NTRK1: variants seen among roughly 807,000 people sequenced by gnomAD.
NTRK1 encodes the protein neurotrophic receptor tyrosine kinase 1, also known as high affinity nerve growth factor receptor.
In NTRK1, 62 loss-of-function variants were observed where a neutral mutation model predicts 86.8. The ratio of observed to expected loss-of-function variants is 0.71; its 90% CI spans 0.58 to 0.88. The LOEUF is 0.88. NTRK1 is among the 40% of genes least tolerant of loss of function. The probability of loss-of-function intolerance (pLI) is 0.00; values close to 1 mark genes in which losing one functional copy is unlikely to be tolerated. For missense variants in NTRK1, 967 were observed against 1,078.4 expected (o/e 0.90, Z 1.45); for synonymous variants, 469 against 456.6 (o/e 1.03, Z -0.35).
In NTRK1 at chr1:156,860,895, C is replaced by A; in HGVS notation, c.-40C>A. 1 of 1,409,980 alleles carries A rather than the reference C, an allele frequency of 7.1e-7. No homozygotes were observed. Among genetic ancestry groups the A allele is most frequent in the Non-Finnish European group, 9.1e-7 (1 of 1,094,422 alleles). 87.3% of individuals were successfully genotyped at this position (1,409,980 alleles called of 1,614,324 possible). Reference sequence around the variant, plus strand: ...CCTGGCAGCTGCAGCTGGGAGCGCACAGACGGCTGCCCCGCCTGAGCGAGG... The same window carrying A: ...CCTGGCAGCTGCAGCTGGGAGCGCAAAGACGGCTGCCCCGCCTGAGCGAGG... On this transcript the variant is annotated 5_prime_UTR_variant, in exon 1 of 17. Coordinates refer to ENST00000524377, the MANE Select transcript of NTRK1 (RefSeq NM_002529.4).
intron 1 of NTRK1, chr1:156,816,280 GC>G (rs2102824007): frequency 2.0e-6 from 1 of 495,104 alleles, no homozygotes. Flanking sequence ...GGCATGGGGG[GC>G]TAATGCTGCC....
At position 156,873,673 on chromosome 1, in the gene NTRK1, C is replaced by T. The variant is rs1553262169; in HGVS notation, c.891C>T (p.His297=). The change falls in exon 8 of 17, where the codon CAC becomes CAT. Residue 297 remains histidine, a synonymous_variant. Coordinates refer to ENST00000524377, the MANE Select transcript of NTRK1 (RefSeq NM_002529.4). ...SVQLHTAVEM[H]HWCIPFSVDG... ...AGCTGCACACGGCGGTGGAGATGCA[C>T]CACTGGTGCATCCCCTTCTCTGTGG... The T allele has an allele frequency of 6.2e-7, 1 of 1,610,542 alleles. No individual in the cohort carries two copies. Among genetic ancestry groups the T allele is most frequent in the Non-Finnish European group, 8.5e-7 (1 of 1,179,472 alleles).
chr1:156,817,362 C>T (rs1654031136), intron 1 of NTRK1, among the ~76,000 whole-genome samples: 1 of 151,856 alleles, frequency 6.6e-6, no homozygotes, highest in South Asian at 2.1e-4. Context: ...GCGAGAGAAT[C>T]GCTTGAGCCC....
chr1:156,841,652 A>G (rs374122291), intron 1 of NTRK1: 4 of 1,613,174 alleles, frequency 2.5e-6, no homozygotes, highest in Non-Finnish European at 3.4e-6. Context: ...CCTGTGCTCC[A>G]GCTCGGCCCC....
rs894824819 is a variant in NTRK1, at chr1:156,826,619, C to T, written c.-64+10781C>T. ...CTAAGTAGTTGAGGCTAGAGGCACA[C>T]ACCACCACATCCAGTTCAGTTTCAA... is the stretch of plus-strand genomic sequence containing the variant. On this transcript the variant is annotated intron_variant, in intron 1 of 16. Coordinates refer to the NTRK1 transcript ENST00000392302. Among the ~76,000 whole-genome samples, 4 of 152,296 alleles carry T rather than the reference C, an allele frequency of 2.6e-5. No individual in the cohort carries two copies. The South Asian group carries it at 8.3e-4, about 32-fold the overall frequency.
At chr1:156,844,083 C>A in intron 2 of NTRK1, 1 of 906,762 alleles carries the variant, frequency 1.1e-6, no homozygotes, top group South Asian at 1.5e-5. Flanking sequence ...GAAGACCTGT[C>A]TTTCTACTGT....
chr1:156,863,192 G>C (rs919391860), intron 1 of NTRK1, among the ~76,000 whole-genome samples: 18 of 152,088 alleles, frequency 1.2e-4, no homozygotes, highest in African/African-American at 4.3e-4. Flanking sequence ...CCCTAGCCCC[G>C]AATGCCTACT....
In NTRK1 at chr1:156,875,026, A is replaced by T. The variant is rs73004759; in HGVS notation, c.1354+18A>T. On this transcript the variant is annotated intron_variant, in intron 11 of 16. Transcript: ENST00000524377. Reference sequence around the variant, plus strand: ...GATCAACCGTGAGTCGGGGCTGCAGAGGGCTGTCTGTCTGTCTGTTCTCCT... The same window carrying T: ...GATCAACCGTGAGTCGGGGCTGCAGTGGGCTGTCTGTCTGTCTGTTCTCCT... The T allele has an allele frequency of 3.1e-4, 486 of 1,557,360 alleles. 1 individual carries two copies. In the African/African-American group the frequency reaches 5.9e-3, roughly 19 times the overall value.
chr1:156,876,015 G>T, intron 12 of NTRK1, 65 bp from the exon 13 acceptor site: 1 of 1,612,952 alleles, frequency 6.2e-7, no homozygotes, highest in Non-Finnish European at 8.5e-7. Context: ...TGCCAAGACA[G>T]TCCCCGCTAC....
At chr1:156,815,810 G>A in exon 1 of NTRK1, 1 of 1,614,148 alleles carries the variant, frequency 6.2e-7, no homozygotes, top group Non-Finnish European at 8.5e-7. Context: ...CAGTAAGGGA[G>A]TGAGTGGGCA....
intron 1 of NTRK1, among the ~76,000 whole-genome samples, chr1:156,833,066 C>G (rs1364824898): frequency 2.0e-5 from 3 of 152,218 alleles, no homozygotes; most frequent in Non-Finnish European, 4.4e-5. Flanking sequence ...CCAAAGCCCT[C>G]TTGGCCCAGA....
Position 156,879,213 on chromosome 1 carries a change from C to G in NTRK1, c.1897C>G (p.Gln633Glu), listed in dbSNP as rs1648102375. Residue 633 changes from glutamine to glutamate, a missense_variant, in exon 15 of 17, where the codon CAG becomes GAG. This residue lies in a region of NTRK1 where 637 missense variants were observed against 776.5 expected (regional missense o/e 0.82). Transcript: ENST00000524377. ...GLGQLLAVAS[Q>E]VAAGMVYLAG... is the part of the protein sequence containing the mutation. ...GGGGCAGCTGCTGGCCGTGGCTAGC[C>G]AGGTCGCTGCGGGGATGGTGTACCT... The G allele has an allele frequency of 6.2e-7, 1 of 1,614,062 alleles. No individual in the cohort carries two copies. The highest frequency in any genetic ancestry group is 8.5e-7 in the Non-Finnish European group (1 of 1,179,992).
intron 7 of NTRK1, 141 bp downstream of exon 7, chr1:156,871,896 A>G: frequency 8.3e-7 from 1 of 1,203,394 alleles, no homozygotes; most frequent in African/African-American, 1.5e-5. Flanking sequence ...CCAGATTCCC[A>G]TGAAAACCTG....
intron 2 of NTRK1, chr1:156,845,885 G>A: frequency 6.3e-7 from 1 of 1,598,162 alleles, no homozygotes; most frequent in Non-Finnish European, 8.5e-7. Context: ...CACCTGCCGG[G>A]GCCCTGCGCC....
intron 1 of NTRK1, among the ~76,000 whole-genome samples, chr1:156,834,241 G>A (rs1558079011): frequency 6.6e-6 from 1 of 152,156 alleles, no homozygotes; most frequent in African/African-American, 2.4e-5. Context: ...GGGGACAGAT[G>A]TGAAGGCCAG....
chr1:156,829,313 C>T (rs1654404117), intron 1 of NTRK1, among the ~76,000 whole-genome samples: 1 of 152,158 alleles, frequency 6.6e-6, no homozygotes, highest in Non-Finnish European at 1.5e-5. Flanking sequence ...GAGCACACAG[C>T]ACAGCCACAG....
At chr1:156,816,638 G>C (rs761379934) in intron 1 of NTRK1, 3 of 1,589,158 alleles carry the variant, frequency 1.9e-6, no homozygotes, top group Non-Finnish European at 2.6e-6. Context: ...GGGTCTTTGT[G>C]CCCCCTCCCA....
Position 156,871,658 on chromosome 1 carries a change from G to A in NTRK1, c.753G>A (p.Leu251=), listed in dbSNP as rs1417642876. ...SGGLPSLGLT[L]ANVTSDLNRK... is the part of the protein sequence containing the mutation. ...GTCTGCCATCCCTGGGGCTGACCCT[G>A]GCCAATGTCACCAGTGACCTCAACA... Residue 251 remains leucine, a synonymous_variant, in exon 7 of 17, where the codon CTG becomes CTA. Coordinates refer to ENST00000524377, the MANE Select transcript of NTRK1 (RefSeq NM_002529.4). 1.9e-6 allele frequency: 3 copies of A among 1,614,022 alleles called. No homozygotes were observed.
rs920692665 is a variant in NTRK1, at chr1:156,879,241, C to T, written c.1925C>T (p.Ala642Val). ...GTCGCTGCGGGGATGGTGTACCTGGCGGGTCTGCATTTTGTGCACCGGGAC... is the reference window on the plus strand; with the variant it reads ...GTCGCTGCGGGGATGGTGTACCTGGTGGGTCTGCATTTTGTGCACCGGGAC... ...SQVAAGMVYL[A>V]GLHFVHRDLA... The change falls in exon 15 of 17, where the codon GCG becomes GTG. Residue 642 changes from alanine (A) to valine (V), a missense_variant. Ala to Val is a moderately conservative substitution (Grantham distance 64). This residue lies in a region of NTRK1 where 637 missense variants were observed against 776.5 expected (regional missense o/e 0.82). Transcript: ENST00000524377. 11 of 1,613,880 alleles carry T rather than the reference C, an allele frequency of 6.8e-6. No homozygotes were observed. The highest frequency in any genetic ancestry group is 5.0e-5 in the Admixed American group (3 of 59,984).
Sources: gnomAD v4.1 joint callset for allele counts (sites outside exome capture counted in the v4.1 genomes callset) on GRCh38, gnomAD v4.1.1 for gene constraint, gnomAD v4.1.1 regional missense constraint, MANE v1.5 for transcripts, NCBI Gene and HGNC (gene_info 2026-07-23, HGNC 2026-07-21) for gene names.